The following ERBB4 variants were observed in gnomAD, a reference collection of about 807,000 sequenced individuals.
ERBB4 encodes the protein receptor tyrosine-protein kinase erbB-4.
In ERBB4, 42 loss-of-function variants were observed where a neutral mutation model predicts 158.0. The ratio of observed to expected loss-of-function variants is 0.27; its 90% CI spans 0.21 to 0.34. ERBB4 has a LOEUF of 0.34. Among genes scored for constraint, ERBB4 ranks in the 10% least tolerant of loss-of-function variants. The pLI is 1.00. For synonymous variants in ERBB4, 583 were observed against 558.7 expected, an observed-to-expected ratio of 1.04 and a Z score of -0.61; for missense variants, 1,333 against 1,624.1, an observed-to-expected ratio of 0.82 and a Z score of 3.08.
At chr2:211,555,289 G>A (rs183749214) in intron 20 of ERBB4, among the ~76,000 whole-genome samples, 8 of 152,052 alleles carry the variant, frequency 5.3e-5, no homozygotes, top group East Asian at 1.9e-4. Context: ...AGGTTCAAGC[G>A]ATTCTCCTGC....
chr2:212,226,489 C>A (rs546867587), intron 1 of ERBB4, among the ~76,000 whole-genome samples: 1 of 151,962 alleles, frequency 6.6e-6, no homozygotes, highest in East Asian at 1.9e-4. Flanking sequence ...AATGCTTTAT[C>A]TAAGTCATAG....
At chr2:212,533,212 T>C (rs1692851586) in intron 1 of ERBB4, among the ~76,000 whole-genome samples, 1 of 152,238 alleles carries the variant, frequency 6.6e-6, no homozygotes, top group Non-Finnish European at 1.5e-5. Context: ...GACAGTTTGC[T>C]AGAAAGTTTA....
chr2:211,772,884 T>TATATATATACACATATATATACAC (rs1559504561), intron 4 of ERBB4, among the ~76,000 whole-genome samples: 2 of 83,050 alleles, frequency 2.4e-5, no homozygotes, highest in African/African-American at 9.5e-5. Flanking sequence ...TATATATATA[T>TATATATATACACATATATATACAC]ACACACACAC....
At chr2:211,940,652 A>C (rs1386462701) in intron 3 of ERBB4, among the ~76,000 whole-genome samples, 1 of 152,120 alleles carries the variant, frequency 6.6e-6, no homozygotes, top group Non-Finnish European at 1.5e-5. Context: ...TGAAGGGGTC[A>C]TAAATTAAGG....
intron 1 of ERBB4, among the ~76,000 whole-genome samples, chr2:212,226,272 T>C (rs2083465387): frequency 6.6e-6 from 1 of 152,102 alleles, no homozygotes. Flanking sequence ...TAACTGAGCT[T>C]AGAAGAGGAC....
intron 13 of ERBB4, among the ~76,000 whole-genome samples, chr2:211,678,318 CAAAAAA>C (rs60505220): frequency 6.9e-6 from 1 of 144,360 alleles, no homozygotes; most frequent in Non-Finnish European, 1.5e-5. Flanking sequence ...AACAAACAAA[CAAAAAA>C]AAAAAAACAA....
intron 1 of ERBB4, among the ~76,000 whole-genome samples, chr2:212,316,330 T>G (rs766704892): frequency 6.6e-6 from 1 of 151,436 alleles, no homozygotes. Context: ...AAATGTGTAT[T>G]TCCTTTTACA....
chr2:212,063,239 A>T (rs1163821536), intron 2 of ERBB4, among the ~76,000 whole-genome samples: 1 of 152,182 alleles, frequency 6.6e-6, no homozygotes, highest in Non-Finnish European at 1.5e-5. Flanking sequence ...CCACCAGAAT[A>T]GAAACAGATG....
intron 1 of ERBB4, among the ~76,000 whole-genome samples, chr2:212,199,665 C>T (rs1021231980): frequency 6.6e-6 from 1 of 152,164 alleles, no homozygotes; most frequent in African/African-American, 2.4e-5. Context: ...AGCAGCTATA[C>T]TTCAGAATTC....
intron 18 of ERBB4, among the ~76,000 whole-genome samples, chr2:211,622,900 T>C (rs1306767931): frequency 7.5e-6 from 1 of 133,854 alleles, no homozygotes; most frequent in African/African-American, 2.9e-5. Flanking sequence ...GAGGAGGAGG[T>C]TGCAGTGAGT....
intron 20 of ERBB4, among the ~76,000 whole-genome samples, chr2:211,500,260 T>C (rs1168506280): frequency 1.3e-5 from 2 of 152,118 alleles, no homozygotes; most frequent in African/African-American, 4.8e-5. Context: ...TATTCAAATA[T>C]TTGACACAAT....
intron 20 of ERBB4, among the ~76,000 whole-genome samples, chr2:211,451,876 G>T (rs1244490764): frequency 2.0e-5 from 3 of 152,172 alleles, no homozygotes; most frequent in African/African-American, 7.2e-5. Flanking sequence ...TAGCTCAAGT[G>T]CTGGGCAAAT....
At chr2:212,408,149 T>C (rs746505649) in intron 1 of ERBB4, among the ~76,000 whole-genome samples, 2 of 152,042 alleles carry the variant, frequency 1.3e-5, no homozygotes, top group Non-Finnish European at 2.9e-5. Context: ...CATAGGTAAA[T>C]GTGTGCCATG....
At chr2:211,933,129 T>G (rs1575398315) in intron 3 of ERBB4, among the ~76,000 whole-genome samples, 1 of 152,050 alleles carries the variant, frequency 6.6e-6, no homozygotes, top group Non-Finnish European at 1.5e-5. Context: ...ACACTAATTC[T>G]TGATTCACCT....
rs1225338298 is a variant in ERBB4 at position 211,713,636 on chromosome 2, A to C, written c.896T>G (p.Val299Gly). ...CVKKCPHNFV[V>G]DSSSCVRACP... ...GGCACGCACACAAGAACTGGAATCT[A>C]CCACAAAGTTATCTGATTAAAAAAA... Residue 299 changes from valine (V) to glycine (G), a missense_variant, in exon 8 of 28, where the codon GTA becomes GGA. By Grantham distance (109) the Val-to-Gly change is moderately radical. Around this residue, in one of 5 missense-constraint regions of ERBB4, gnomAD observed 438 missense variants for 586.9 expected, o/e 0.75. Transcript: ENST00000342788. 6.3e-7 allele frequency: 1 copy of C among 1,591,548 alleles called. No individual in the cohort carries two copies.
chr2:211,913,606 A>ATAT (rs1553511614), intron 3 of ERBB4, among the ~76,000 whole-genome samples: 2 of 136,288 alleles, frequency 1.5e-5, no homozygotes, highest in African/African-American at 3.0e-5. Flanking sequence ...ATTTCAAAAA[A>ATAT]ATATATATAT....
At chr2:211,489,478 T>C (rs1241138684) in intron 20 of ERBB4, among the ~76,000 whole-genome samples, 1 of 152,000 alleles carries the variant, frequency 6.6e-6, no homozygotes, top group African/African-American at 2.4e-5. Context: ...CTTTGAACAA[T>C]ACTAAATGCT....
At chr2:211,519,297 TG>T (rs2066126603) in intron 20 of ERBB4, among the ~76,000 whole-genome samples, 1 of 152,208 alleles carries the variant, frequency 6.6e-6, no homozygotes, top group African/African-American at 2.4e-5. Flanking sequence ...TGTCATTGAT[TG>T]GCTACATCCT....
chr2:211,798,899 T>C (rs769719008), intron 3 of ERBB4, among the ~76,000 whole-genome samples: 64 of 152,324 alleles, frequency 4.2e-4, no homozygotes, highest in Middle Eastern at 3.4e-3. Context: ...TTTCCCACAC[T>C]GAAGTATCTT....
Sources: allele counts gnomAD v4.1 joint callset (sites outside exome capture counted in the v4.1 genomes callset), GRCh38; gene constraint gnomAD v4.1.1; regional missense constraint gnomAD v4.1.1; transcripts MANE v1.5; gene names NCBI Gene and HGNC (gene_info 2026-07-23, HGNC 2026-07-21).